ZSCAN5A: variants seen among roughly 807,000 people sequenced by gnomAD.
ZSCAN5A encodes the protein zinc finger and SCAN domain-containing protein 5A.
Under a neutral mutation model 23.7 loss-of-function variants are expected in ZSCAN5A, and 12 were observed. The ratio of observed to expected loss-of-function variants is 0.51; its 90% CI spans 0.32 to 0.82. The LOEUF is 0.82. ZSCAN5A is among the 40% of genes least tolerant of loss of function. The pLI, the probability that ZSCAN5A is intolerant of heterozygous loss-of-function variation, is 0.03. For synonymous variants in ZSCAN5A, 257 were observed against 239.9 expected, an observed-to-expected ratio of 1.07 and a Z score of -0.66; for missense variants, 597 against 617.9, an observed-to-expected ratio of 0.97 and a Z score of 0.36.
At chr19:56,228,656 A>T (rs1333430832) in intron 2 of ZSCAN5A, among the ~76,000 whole-genome samples, 1 of 152,184 alleles carries the variant, frequency 6.6e-6, no homozygotes. Flanking sequence ...CAAACCAGTG[A>T]TTTGATCTAG....
intron 2 of ZSCAN5A, among the ~76,000 whole-genome samples, chr19:56,291,591 T>A (rs1432332646): frequency 6.6e-6 from 1 of 152,166 alleles, no homozygotes; most frequent in Non-Finnish European, 1.5e-5. Context: ...CAATGCCCAC[T>A]GGATCTTCTG....
At chr19:56,287,928 C>T (rs549708972) in intron 2 of ZSCAN5A, among the ~76,000 whole-genome samples, 3 of 152,360 alleles carry the variant, frequency 2.0e-5, no homozygotes, top group African/African-American at 7.2e-5. Context: ...AGGACACTTC[C>T]AGTGTTAGCT....
Position 56,320,828 on chromosome 19 carries a change from T to A in ZSCAN5A, c.-357-4560A>T. ...CTTATCACCATAGGTGGCAGCAAGA[T>A]GCTGTGCCCCCTCGCTTTCAAGTCC... On this transcript the variant is annotated intron_variant, in intron 2 of 6. Coordinates refer to the ZSCAN5A transcript ENST00000587340. 7.7e-6 allele frequency: 6 copies of A among 781,570 alleles called. No individual in the cohort carries two copies. In the Admixed American group the frequency reaches 8.5e-5, roughly 11 times the overall value. 48.4% of individuals were successfully genotyped at this position (781,570 alleles called of 1,614,324 possible).
intron 2 of ZSCAN5A, among the ~76,000 whole-genome samples, chr19:56,362,002 C>T (rs921611015): frequency 2.0e-5 from 3 of 151,268 alleles, no homozygotes; most frequent in African/African-American, 4.9e-5. Context: ...TTAAAAAATA[C>T]AAAAAATTAG....
chr19:56,353,210 G>A (rs527241788), intron 2 of ZSCAN5A, among the ~76,000 whole-genome samples: 1 of 152,332 alleles, frequency 6.6e-6, no homozygotes, highest in Admixed American at 6.5e-5. Context: ...GATCGCTGGT[G>A]GAGAAGCACA....
chr19:56,244,841 C>G (rs112121829), intron 2 of ZSCAN5A, among the ~76,000 whole-genome samples: 14,511 of 149,214 alleles, frequency 0.097, 1,204 homozygotes, highest in African/African-American at 0.22. Context: ...TGAACTGAAG[C>G]GGGGCCCAGG....
At chr19:56,237,869 A>G (rs549278275) in intron 2 of ZSCAN5A, among the ~76,000 whole-genome samples, 1 of 151,982 alleles carries the variant, frequency 6.6e-6, no homozygotes, top group South Asian at 2.1e-4. Flanking sequence ...GTGACCTGAG[A>G]TTGTGCCACT....
intron 2 of ZSCAN5A, chr19:56,228,212 C>T: frequency 1.0e-6 from 1 of 985,108 alleles, no homozygotes; most frequent in Non-Finnish European, 1.2e-6. Context: ...CCCGACATGC[C>T]AGCTCCTAAA....
chr19:56,336,502 C>T (rs4801712), intron 2 of ZSCAN5A, among the ~76,000 whole-genome samples: 48,722 of 151,552 alleles, frequency 0.32, 12,331 homozygotes, highest in African/African-American at 0.71. Flanking sequence ...TTTTTCAAAG[C>T]TTTTAACTTC....
At chr19:56,308,222 C>G (rs1009959953) in intron 2 of ZSCAN5A, among the ~76,000 whole-genome samples, 3 of 151,568 alleles carry the variant, frequency 2.0e-5, no homozygotes, top group Non-Finnish European at 2.9e-5. Flanking sequence ...TTAGTAGAGA[C>G]GGGGTTTCAC....
intron 2 of ZSCAN5A, among the ~76,000 whole-genome samples, chr19:56,330,929 T>A (rs979091070): frequency 3.9e-5 from 6 of 152,204 alleles, no homozygotes; most frequent in Non-Finnish European, 2.9e-5. Context: ...TAGACATCTC[T>A]TAGATTGAGG....
chr19:56,281,935 A>C (rs1442516811), intron 2 of ZSCAN5A, among the ~76,000 whole-genome samples: 2 of 152,206 alleles, frequency 1.3e-5, no homozygotes, highest in Admixed American at 1.3e-4. Flanking sequence ...TTAGGTCTAA[A>C]ACTGGGTGTG....
intron 2 of ZSCAN5A, among the ~76,000 whole-genome samples, chr19:56,275,908 G>A (rs2038213397): frequency 6.6e-6 from 1 of 152,216 alleles, no homozygotes; most frequent in Non-Finnish European, 1.5e-5. Flanking sequence ...CTTATCGATG[G>A]ATGGATGGGC....
In ZSCAN5A at chr19:56,238,182, GAAAC is replaced by G. The variant is rs570001802; in HGVS notation, c.-127-13013_-127-13010del. Among the ~76,000 whole-genome samples, 1,267 of 151,740 alleles carry G rather than the reference GAAAC, an allele frequency of 8.3e-3. 12 individuals are homozygous for G. The highest frequency in any genetic ancestry group is 0.027 in the African/African-American group (1,135 of 41,324). On this transcript the variant is annotated intron_variant, in intron 2 of 5. Transcript: ENST00000683990. ...CACACATACACACACACACGTCAAA[GAAAC>G]AAAAAGCAAGCCAGGGGTTGTGGCA...
intron 2 of ZSCAN5A, among the ~76,000 whole-genome samples, chr19:56,259,633 T>C (rs2036975527): frequency 6.6e-6 from 1 of 152,164 alleles, no homozygotes. Flanking sequence ...TTAAGGGAGT[T>C]TCATACTCAG....
At chr19:56,261,137 G>A (rs1239989195) in intron 2 of ZSCAN5A, among the ~76,000 whole-genome samples, 1 of 152,058 alleles carries the variant, frequency 6.6e-6, no homozygotes. Context: ...GAACTTGGGA[G>A]GCGGAGGTTG....
chr19:56,358,467 C>T (rs112545104), intron 2 of ZSCAN5A, among the ~76,000 whole-genome samples: 2 of 127,146 alleles, frequency 1.6e-5, no homozygotes, highest in Non-Finnish European at 3.4e-5. Context: ...GAATACCCAC[C>T]CAATAATAGC....
chr19:56,240,687 C>T (rs1296767606), intron 2 of ZSCAN5A, among the ~76,000 whole-genome samples: 1 of 152,124 alleles, frequency 6.6e-6, no homozygotes, highest in Non-Finnish European at 1.5e-5. Context: ...TTAACTCTGG[C>T]TTGTTATGAA....
chr19:56,280,994 C>A (rs968307674), intron 2 of ZSCAN5A, among the ~76,000 whole-genome samples: 4 of 152,072 alleles, frequency 2.6e-5, no homozygotes, highest in African/African-American at 4.8e-5. Flanking sequence ...TTTGACTTCC[C>A]CAAAACTTAA....
Sources: gnomAD v4.1 joint callset for allele counts (sites outside exome capture counted in the v4.1 genomes callset) on GRCh38, gnomAD v4.1.1 for gene constraint, MANE v1.5 for transcripts, NCBI Gene and HGNC (gene_info 2026-07-23, HGNC 2026-07-21) for gene names.